PRAG1: variants seen among roughly 807,000 people sequenced by gnomAD.
PRAG1 encodes PEAK1 related, kinase-activating pseudokinase 1, also known as inactive tyrosine-protein kinase PRAG1.
In PRAG1, 110 loss-of-function variants were observed where a neutral mutation model predicts 95.6. The observed-to-expected ratio is 1.15, with a 90% CI of 0.99 to 1.35. The LOEUF (loss-of-function observed/expected upper bound fraction) is 1.35. PRAG1 is among the 40% of genes most tolerant of loss of function. The pLI is 0.00. For missense variants in PRAG1, 2,554 were observed against 1,864.7 expected (o/e 1.37, Z -6.81); for synonymous variants, 1,052 against 819.4 (o/e 1.28, Z -4.85).
chr8:8,377,450 G>A lies in PRAG1; in HGVS notation c.959C>T (p.Pro320Leu). The change falls in exon 3 of 6, where the codon CCA becomes CTA. Residue 320 changes from proline (P) to leucine (L), a missense_variant. By Grantham distance (98) the Pro-to-Leu change is moderately conservative. Transcript: ENST00000615670. ...CAGTTTCTTGGGGCCCAGGCAGGAT[G>A]GGTGGGCAGTGGGGCCCTGGCTACA... ...ECCSQGPTAHPSCLGPKKLSL... is the reference protein window; with the variant it reads ...ECCSQGPTAHLSCLGPKKLSL... 6.4e-7 allele frequency: 1 copy of A among 1,553,100 alleles called. No homozygotes were observed. Among genetic ancestry groups the A allele is most frequent in the Non-Finnish European group, 8.7e-7 (1 of 1,150,644 alleles).
chr8:8,343,731 G>A (rs982236714), intron 3 of PRAG1, among the ~76,000 whole-genome samples: 4 of 152,146 alleles, frequency 2.6e-5, no homozygotes, highest in African/African-American at 9.6e-5. Context: ...ACAGAACTCT[G>A]CTGTTGTAGC....
At chr8:8,357,277 C>T (rs1006366470) in intron 3 of PRAG1, among the ~76,000 whole-genome samples, 2 of 152,092 alleles carry the variant, frequency 1.3e-5, no homozygotes, top group Admixed American at 1.3e-4. Flanking sequence ...TATTTCAAAT[C>T]CTACATCTGA....
intron 4 of PRAG1, among the ~76,000 whole-genome samples, chr8:8,335,684 G>T (rs943956002): frequency 1.3e-5 from 2 of 152,080 alleles, no homozygotes; most frequent in African/African-American, 4.8e-5. Flanking sequence ...AAAAATAAAT[G>T]TTTTTTTCCT....
chr8:8,338,405 G>C (rs936304749), intron 4 of PRAG1, among the ~76,000 whole-genome samples: 6 of 152,208 alleles, frequency 3.9e-5, no homozygotes, highest in Admixed American at 6.5e-5. Flanking sequence ...GTGGATCAGA[G>C]CTAACCAGCA....
intron 1 of PRAG1, among the ~76,000 whole-genome samples, chr8:8,384,380 C>G (rs765528265): frequency 9.2e-5 from 14 of 151,962 alleles, no homozygotes; most frequent in Admixed American, 7.2e-4. Context: ...CATCAGTTTA[C>G]GAGCACTCTT....
intron 5 of PRAG1, among the ~76,000 whole-genome samples, chr8:8,322,619 T>A (rs1023627782): frequency 6.6e-6 from 1 of 152,164 alleles, no homozygotes; most frequent in African/African-American, 2.4e-5. Context: ...CCTGTTGGGA[T>A]TACTGATAGG....
chr8:8,360,184 C>T (rs890000631), intron 3 of PRAG1, among the ~76,000 whole-genome samples: 5 of 152,140 alleles, frequency 3.3e-5, no homozygotes, highest in Non-Finnish European at 7.4e-5. Flanking sequence ...CAGAAGTAGT[C>T]ACAAATGGGA....
chr8:8,371,123 TTC>T (rs1800183008), intron 3 of PRAG1, among the ~76,000 whole-genome samples: 1 of 130,562 alleles, frequency 7.7e-6, no homozygotes, highest in Non-Finnish European at 1.6e-5. Flanking sequence ...GCGACAGAGA[TTC>T]TGTCTCAAAA....
At chr8:8,337,341 T>C (rs547135055) in intron 4 of PRAG1, among the ~76,000 whole-genome samples, 1 of 152,310 alleles carries the variant, frequency 6.6e-6, no homozygotes, top group East Asian at 1.9e-4. Flanking sequence ...TGGAAGATAA[T>C]TGTGCAATAA....
At chr8:8,352,546 T>C (rs2116870586) in intron 3 of PRAG1, among the ~76,000 whole-genome samples, 1 of 152,348 alleles carries the variant, frequency 6.6e-6, no homozygotes, top group East Asian at 1.9e-4. Flanking sequence ...TACTCATCTC[T>C]CTCAAGTAAG....
chr8:8,322,255 A>G (rs1428509173), intron 5 of PRAG1, among the ~76,000 whole-genome samples: 3 of 152,072 alleles, frequency 2.0e-5, no homozygotes, highest in Non-Finnish European at 4.4e-5. Context: ...ATCTCGGCTC[A>G]CTGCAATGTC....
intron 4 of PRAG1, among the ~76,000 whole-genome samples, chr8:8,336,880 T>TCCC (rs1798999218): frequency 7.7e-6 from 1 of 130,622 alleles, no homozygotes; most frequent in Non-Finnish European, 1.6e-5. Flanking sequence ...ACTAAAACCT[T>TCCC]CCCCCCACTC....
At chr8:8,381,870 G>C (rs1044713547) in intron 1 of PRAG1, 36 bp from the exon 2 acceptor site, 1 of 724,118 alleles carries the variant, frequency 1.4e-6, no homozygotes, top group Non-Finnish European at 2.2e-6. Context: ...TTAGAGATTT[G>C]CCATGCCAGA....
chr8:8,354,044 T>C (rs535946662), intron 3 of PRAG1, among the ~76,000 whole-genome samples: 27 of 151,166 alleles, frequency 1.8e-4, no homozygotes, highest in Admixed American at 8.5e-4. Flanking sequence ...AACCCCTAGA[T>C]AGACTAAGAA....
chr8:8,346,143 T>TAGTATAACAAG (rs1563239014), intron 3 of PRAG1, among the ~76,000 whole-genome samples: 1 of 152,218 alleles, frequency 6.6e-6, no homozygotes, highest in Non-Finnish European at 1.5e-5. Flanking sequence ...ATAACAAGAC[T>TAGTATAACAAG]ACTTAGCCTT....
chr8:8,351,583 A>G (rs60390567), intron 3 of PRAG1, among the ~76,000 whole-genome samples: 1 of 152,322 alleles, frequency 6.6e-6, no homozygotes, highest in African/African-American at 2.4e-5. Context: ...TAAAATCATG[A>G]GAAAGAGTTG....
At chr8:8,361,869 A>G (rs1433890602) in intron 3 of PRAG1, among the ~76,000 whole-genome samples, 1 of 152,156 alleles carries the variant, frequency 6.6e-6, no homozygotes, top group African/African-American at 2.4e-5. Flanking sequence ...TTATCTTACC[A>G]ATCTTTAACA....
At position 8,339,652 on chromosome 8, in the gene PRAG1, C is replaced by G; in HGVS notation, c.2163-17G>C. On this transcript the variant is annotated splice_polypyrimidine_tract_variant and intron_variant, in intron 3 of 5. Coordinates refer to ENST00000615670, the MANE Select transcript of PRAG1 (RefSeq NM_001080826.3). ...AGAAGGTGCCTGGAAAAGGTAGGAA[C>G]AAACAATACAAATAACTCATTGGAT... 2.5e-6 allele frequency: 4 copies of G among 1,600,142 alleles called. No individual in the cohort carries two copies. The highest frequency in any genetic ancestry group is 3.4e-6 in the Non-Finnish European group (4 of 1,168,672).
chr8:8,337,407 A>G (rs755868276), intron 4 of PRAG1, among the ~76,000 whole-genome samples: 4 of 152,228 alleles, frequency 2.6e-5, no homozygotes, highest in African/African-American at 4.8e-5. Flanking sequence ...TTCTCATATT[A>G]CATGACCAGT....
Sources: gnomAD v4.1 joint callset for allele counts (sites outside exome capture counted in the v4.1 genomes callset) on GRCh38, gnomAD v4.1.1 for gene constraint, MANE v1.5 for transcripts, NCBI Gene and HGNC (gene_info 2026-07-23, HGNC 2026-07-21) for gene names.